The following AGBL4 variants were observed in gnomAD, a reference collection of about 807,000 sequenced individuals.
AGBL4 encodes AGBL carboxypeptidase 4, also known as cytosolic carboxypeptidase 6.
A neutral mutation model predicts 66.4 loss-of-function variants in AGBL4; 58 were observed. The ratio of observed to expected loss-of-function variants is 0.87; its 90% CI spans 0.71 to 1.09. The LOEUF is 1.09. Among genes scored for constraint, AGBL4 ranks in the 50% least tolerant of loss-of-function variants. The pLI is 0.00. For missense variants in AGBL4, 579 were observed against 631.0 expected, an observed-to-expected ratio of 0.92 and a Z score of 0.88; for synonymous variants, 234 against 222.9, an observed-to-expected ratio of 1.05 and a Z score of -0.44.
chr1:48,909,675 T>C (rs1185698108), intron 5 of AGBL4, among the ~76,000 whole-genome samples: 1 of 152,114 alleles, frequency 6.6e-6, no homozygotes, highest in Non-Finnish European at 1.5e-5. Context: ...AAAAAAACAG[T>C]GAGCACATGA....
chr1:50,011,861 G>C (rs1203035015), intron 1 of AGBL4, among the ~76,000 whole-genome samples: 1 of 152,176 alleles, frequency 6.6e-6, no homozygotes, highest in Non-Finnish European at 1.5e-5. Flanking sequence ...GACACAGAGA[G>C]TAGAAGAATG....
At chr1:49,792,130 T>A (rs1168010012) in intron 2 of AGBL4, among the ~76,000 whole-genome samples, 1 of 152,096 alleles carries the variant, frequency 6.6e-6, no homozygotes, top group Non-Finnish European at 1.5e-5. Context: ...GTCTTCCTTT[T>A]TATAATATGG....
intron 7 of AGBL4, among the ~76,000 whole-genome samples, chr1:48,657,572 T>A (rs2148448704): frequency 6.6e-6 from 1 of 152,058 alleles, no homozygotes; most frequent in East Asian, 1.9e-4. Context: ...CAGCTTTCAG[T>A]CAGGAACCAG....
chr1:49,107,068 T>C (rs778060474), intron 4 of AGBL4, among the ~76,000 whole-genome samples: 17 of 151,996 alleles, frequency 1.1e-4, no homozygotes, highest in Non-Finnish European at 1.6e-4. Context: ...AATTTATAGA[T>C]GGAACAAGCA....
At chr1:49,985,548 G>A (rs1659428814) in intron 1 of AGBL4, among the ~76,000 whole-genome samples, 2 of 152,166 alleles carry the variant, frequency 1.3e-5, no homozygotes, top group African/African-American at 4.8e-5. Context: ...GCTTACTTGA[G>A]AAATTGATTT....
intron 3 of AGBL4, among the ~76,000 whole-genome samples, chr1:49,673,922 G>T (rs186051131): frequency 6.6e-6 from 1 of 152,028 alleles, no homozygotes; most frequent in Non-Finnish European, 1.5e-5. Flanking sequence ...GGAACAGGGG[G>T]TTGGAGGTTA....
intron 1 of AGBL4, among the ~76,000 whole-genome samples, chr1:49,897,700 A>G (rs972763788): frequency 6.6e-6 from 1 of 152,166 alleles, no homozygotes; most frequent in Non-Finnish European, 1.5e-5. Context: ...CTGACTTCAA[A>G]TTATACTACA....
intron 2 of AGBL4, among the ~76,000 whole-genome samples, chr1:49,724,436 G>C (rs1648855699): frequency 6.6e-6 from 1 of 152,034 alleles, no homozygotes; most frequent in African/African-American, 2.4e-5. Flanking sequence ...CCTTTCCTTA[G>C]GTTTTATGCT....
intron 6 of AGBL4, among the ~76,000 whole-genome samples, chr1:48,863,454 A>G (rs1355209068): frequency 6.6e-6 from 1 of 152,144 alleles, no homozygotes; most frequent in African/African-American, 2.4e-5. Context: ...GTCACAATAT[A>G]AGGATTATTA....
chr1:49,178,751 G>A (rs1454408787), intron 4 of AGBL4, among the ~76,000 whole-genome samples: 1 of 152,148 alleles, frequency 6.6e-6, no homozygotes, highest in East Asian at 1.9e-4. Flanking sequence ...AGTGAGCTGA[G>A]CCTATTTTTC....
At position 49,513,565 on chromosome 1, in the gene AGBL4, T is replaced by C. The variant is rs1188105235; in HGVS notation, c.282+183748A>G. Among the ~76,000 whole-genome samples the C allele has an allele frequency of 2.0e-5, 3 of 152,018 alleles. 1 individual carries two copies. Among genetic ancestry groups the C allele is most frequent in the African/African-American group, 7.2e-5 (3 of 41,430 alleles). On this transcript the variant is annotated intron_variant, in intron 3 of 13. Coordinates refer to ENST00000371839, the MANE Select transcript of AGBL4 (RefSeq NM_032785.4). ...CTTAGGATTATGGCCTCCAGCTCCATTCATGTTGCTTCAAAGGACATGATG... is the reference window on the plus strand; with the variant it reads ...CTTAGGATTATGGCCTCCAGCTCCACTCATGTTGCTTCAAAGGACATGATG...
chr1:49,731,508 G>A (rs1323364574), intron 2 of AGBL4, among the ~76,000 whole-genome samples: 1 of 152,158 alleles, frequency 6.6e-6, no homozygotes, highest in African/African-American at 2.4e-5. Context: ...ATACAGTTAA[G>A]ATTTTGGGTC....
At chr1:48,673,031 G>T (rs1324755165) in intron 6 of AGBL4, among the ~76,000 whole-genome samples, 1 of 152,126 alleles carries the variant, frequency 6.6e-6, no homozygotes, top group African/African-American at 2.4e-5. Flanking sequence ...GTAAGACTCT[G>T]AGCTGGAATT....
intron 2 of AGBL4, among the ~76,000 whole-genome samples, chr1:49,815,295 T>C (rs1174943967): frequency 6.6e-6 from 1 of 152,212 alleles, no homozygotes; most frequent in East Asian, 1.9e-4. Context: ...GTGTCTGGTT[T>C]ATTTCACTTA....
intron 3 of AGBL4, among the ~76,000 whole-genome samples, chr1:49,362,674 C>G (rs1430679132): frequency 2.0e-5 from 3 of 152,048 alleles, no homozygotes; most frequent in African/African-American, 7.3e-5. Context: ...AATGACTCTG[C>G]TTTGAATTTC....
At chr1:49,669,959 T>A (rs903286771) in intron 3 of AGBL4, among the ~76,000 whole-genome samples, 3 of 151,940 alleles carry the variant, frequency 2.0e-5, no homozygotes, top group Non-Finnish European at 4.4e-5. Context: ...CTAAAATACA[T>A]GAAAACATGG....
intron 5 of AGBL4, among the ~76,000 whole-genome samples, chr1:48,999,405 C>A (rs1421305671): frequency 6.6e-6 from 1 of 152,118 alleles, no homozygotes; most frequent in East Asian, 1.9e-4. Context: ...ACAAATGGCC[C>A]ATTATAGAAA....
At chr1:48,961,954 T>C (rs76779779) in intron 5 of AGBL4, among the ~76,000 whole-genome samples, 11,639 of 152,208 alleles carry the variant, frequency 0.076, 580 homozygotes, top group Non-Finnish European at 0.1. Flanking sequence ...TACCAATCCC[T>C]GGGTATGGAT....
chr1:49,347,881 A>G (rs1295031478), intron 3 of AGBL4, among the ~76,000 whole-genome samples: 2 of 151,504 alleles, frequency 1.3e-5, no homozygotes, highest in African/African-American at 4.9e-5. Flanking sequence ...CAGCAACAAC[A>G]AAAAAACTTG....
Sources: allele counts gnomAD v4.1 joint callset (sites outside exome capture counted in the v4.1 genomes callset), GRCh38; gene constraint gnomAD v4.1.1; transcripts MANE v1.5; gene names NCBI Gene and HGNC (gene_info 2026-07-23, HGNC 2026-07-21).